Variants in ATP8A2 observed in about 807,000 individuals in gnomAD.
The protein encoded by ATP8A2 is phospholipid-transporting ATPase IB.
ATP8A2 carries 100 observed loss-of-function variants against 165.6 expected under a neutral mutation model. That is an observed-to-expected ratio of 0.60 (90% confidence interval 0.51 to 0.71). The LOEUF (loss-of-function observed/expected upper bound fraction) is 0.71, where lower values mean the gene tolerates loss of function less well. Among genes scored for constraint, ATP8A2 ranks in the 30% least tolerant of loss-of-function variants. ATP8A2 has a pLI of 0.00. For missense variants in ATP8A2, 1,227 were observed against 1,479.5 expected (o/e 0.83, Z 2.80); for synonymous variants, 543 against 548.8 (o/e 0.99, Z 0.15).
intron 24 of ATP8A2, among the ~76,000 whole-genome samples, chr13:25,610,097 GTGC>G (rs2040641671): frequency 6.6e-6 from 1 of 152,024 alleles, no homozygotes; most frequent in African/African-American, 2.4e-5. Flanking sequence ...TTCTTCTGCT[GTGC>G]AGAAGCTTTT....
At chr13:25,502,719 T>C (rs2036893232) in intron 2 of ATP8A2, among the ~76,000 whole-genome samples, 1 of 152,224 alleles carries the variant, frequency 6.6e-6, no homozygotes, top group Non-Finnish European at 1.5e-5. Context: ...TGGACTCAGA[T>C]GTGACTGTGT....
chr13:25,442,015 C>G (rs1053706417), intron 1 of ATP8A2, among the ~76,000 whole-genome samples: 46 of 152,196 alleles, frequency 3.0e-4, no homozygotes, highest in Non-Finnish European at 5.9e-5. Context: ...TTGCTTATTT[C>G]ACTTAGCATG....
chr13:25,587,849 G>C (rs773976760), intron 23 of ATP8A2, among the ~76,000 whole-genome samples: 10 of 152,170 alleles, frequency 6.6e-5, no homozygotes, highest in Non-Finnish European at 8.8e-5. Flanking sequence ...GTCCTACCAG[G>C]CAGAGCTTTT....
chr13:25,532,077 G>A (rs2038131657), intron 4 of ATP8A2, among the ~76,000 whole-genome samples, 195 bp from the exon 5 acceptor site: 1 of 152,120 alleles, frequency 6.6e-6, no homozygotes, highest in Non-Finnish European at 1.5e-5. Flanking sequence ...TAAAATAATT[G>A]AAACTAGAGG....
chr13:25,685,657 A>G (rs1371830522), intron 24 of ATP8A2, among the ~76,000 whole-genome samples: 3 of 152,114 alleles, frequency 2.0e-5, no homozygotes, highest in Non-Finnish European at 4.4e-5. Flanking sequence ...AATGGATGCA[A>G]GGGAGCAGCA....
intron 26 of ATP8A2, among the ~76,000 whole-genome samples, chr13:25,774,005 T>G (rs2044684314): frequency 6.6e-6 from 1 of 152,244 alleles, no homozygotes; most frequent in East Asian, 1.9e-4. Flanking sequence ...TGAGTGTCCC[T>G]GTCCCTTGCT....
intron 35 of ATP8A2, among the ~76,000 whole-genome samples, chr13:25,994,257 C>T (rs1314891134): frequency 6.6e-6 from 1 of 151,594 alleles, no homozygotes; most frequent in Non-Finnish European, 1.5e-5. Flanking sequence ...TATATATATA[C>T]ATATTTATGT....
intron 28 of ATP8A2, among the ~76,000 whole-genome samples, chr13:25,832,795 G>A (rs1027034888): frequency 1.3e-5 from 2 of 152,150 alleles, no homozygotes; most frequent in African/African-American, 4.8e-5. Flanking sequence ...TAATCAAGAT[G>A]CCTGCCATCA....
intron 27 of ATP8A2, among the ~76,000 whole-genome samples, chr13:25,814,857 T>TA (rs1440472759): frequency 6.6e-6 from 1 of 151,728 alleles, no homozygotes; most frequent in African/African-American, 2.4e-5. Context: ...CTCTACCAAA[T>TA]AAAAATACAA....
At chr13:25,423,927 G>A (rs778586957) in intron 1 of ATP8A2, among the ~76,000 whole-genome samples, 5 of 152,188 alleles carry the variant, frequency 3.3e-5, no homozygotes, top group Non-Finnish European at 7.3e-5. Context: ...TGTGTCCACT[G>A]ACAGCGTGGG....
chr13:25,861,993 CA>C (rs1222455568), intron 32 of ATP8A2, among the ~76,000 whole-genome samples: 1 of 152,150 alleles, frequency 6.6e-6, no homozygotes, highest in East Asian at 1.9e-4. Flanking sequence ...CAGGTTGGAG[CA>C]AACACTTGCT....
At chr13:25,490,733 T>TTTTTTTTG (rs1566179819) in intron 2 of ATP8A2, among the ~76,000 whole-genome samples, 3 of 136,020 alleles carry the variant, frequency 2.2e-5, no homozygotes, top group African/African-American at 8.4e-5. Context: ...TTTGTTTTTT[T>TTTTTTTTG]TTTGTTTGTT....
At chr13:25,814,098 GACACAC>G (rs59562535) in intron 27 of ATP8A2, among the ~76,000 whole-genome samples, 12 of 149,410 alleles carry the variant, frequency 8.0e-5, no homozygotes, top group Admixed American at 3.3e-4. Flanking sequence ...CACACATACA[GACACAC>G]ACACACACAC....
At chr13:25,846,859 T>G (rs944170132) in intron 30 of ATP8A2, among the ~76,000 whole-genome samples, 13 of 152,198 alleles carry the variant, frequency 8.5e-5, no homozygotes, top group Admixed American at 6.5e-5. Flanking sequence ...TCCACCTGGT[T>G]GCACAATGTC....
At chr13:25,598,249 A>T (rs1052288219) in intron 24 of ATP8A2, among the ~76,000 whole-genome samples, 36 of 152,148 alleles carry the variant, frequency 2.4e-4, no homozygotes, top group African/African-American at 8.7e-4. Flanking sequence ...GCCCAATTCC[A>T]CATTGTCTTC....
chr13:25,670,112 A>T (rs1051082895), intron 24 of ATP8A2, among the ~76,000 whole-genome samples: 3 of 152,106 alleles, frequency 2.0e-5, no homozygotes, highest in Non-Finnish European at 4.4e-5. Context: ...CCTTACTATC[A>T]TAGGTTTTTA....
At position 25,479,071 on chromosome 13, in the gene ATP8A2, C is replaced by T. The variant is rs1366380068; in HGVS notation, c.221+9950C>T. On this transcript the variant is annotated intron_variant, in intron 2 of 36. Coordinates refer to ENST00000381655, the MANE Select transcript of ATP8A2 (RefSeq NM_016529.6). ...CCATTTTGGCCAGGATGGTATCGATCTCCTGACCCCATGATCTGCCCTCCT... is the reference window on the plus strand; with the variant it reads ...CCATTTTGGCCAGGATGGTATCGATTTCCTGACCCCATGATCTGCCCTCCT... Among the ~76,000 whole-genome samples the T allele has an allele frequency of 2.0e-5, 3 of 152,180 alleles. No homozygotes were observed. The East Asian group carries it at 5.8e-4, about 29-fold the overall frequency.
intron 33 of ATP8A2, among the ~76,000 whole-genome samples, chr13:25,875,511 C>T (rs888161315): frequency 2.0e-5 from 3 of 151,636 alleles, no homozygotes; most frequent in African/African-American, 7.3e-5. Flanking sequence ...CAAACAGATG[C>T]CAAGTATTTC....
chr13:25,730,029 G>A (rs2043584088), intron 25 of ATP8A2, among the ~76,000 whole-genome samples: 1 of 152,068 alleles, frequency 6.6e-6, no homozygotes, highest in East Asian at 1.9e-4. Context: ...AGTTGTGCAT[G>A]CCTGTAATCC....
Sources: allele counts gnomAD v4.1 joint callset (sites outside exome capture counted in the v4.1 genomes callset), GRCh38; gene constraint gnomAD v4.1.1; transcripts MANE v1.5; gene names NCBI Gene and HGNC (gene_info 2026-07-23, HGNC 2026-07-21).